Variants in TAFA4 observed in about 807,000 individuals in gnomAD.
TAFA4 encodes TAFA chemokine like family member 4.
A neutral mutation model predicts 21.1 loss-of-function variants in TAFA4; 20 were observed. The observed-to-expected ratio is 0.95, with a 90% confidence interval of 0.67 to 1.38. The LOEUF is 1.38. TAFA4 is among the 40% of genes most tolerant of loss of function. The pLI is 0.00. For missense variants in TAFA4, 211 were observed against 180.9 expected (o/e 1.17, Z -0.95); for synonymous variants, 71 against 67.4 (o/e 1.05, Z -0.26).
At chr3:68,835,294 C>T (rs1468849936) in intron 3 of TAFA4, among the ~76,000 whole-genome samples, 1 of 152,200 alleles carries the variant, frequency 6.6e-6, no homozygotes, top group African/African-American at 2.4e-5. Flanking sequence ...CACCATCTGA[C>T]ATTTACTTTT....
intron 4 of TAFA4, among the ~76,000 whole-genome samples, chr3:68,749,673 G>T (rs1702525256): frequency 6.6e-6 from 1 of 152,168 alleles, no homozygotes; most frequent in Admixed American, 6.5e-5. Flanking sequence ...CCGACTGTTT[G>T]CCAGACAATG....
At chr3:68,847,136 T>G (rs1179617997) in intron 3 of TAFA4, among the ~76,000 whole-genome samples, 1 of 152,194 alleles carries the variant, frequency 6.6e-6, no homozygotes, top group Non-Finnish European at 1.5e-5. Context: ...TTCCCCGAGG[T>G]GATCTGTCCC....
At chr3:68,906,934 C>T (rs888008267) in intron 1 of TAFA4, among the ~76,000 whole-genome samples, 3 of 147,302 alleles carry the variant, frequency 2.0e-5, no homozygotes, top group African/African-American at 7.5e-5. Context: ...GGGAGGCCGA[C>T]GTGGGAAGAT....
chr3:68,815,029 T>C (rs1406391233), intron 3 of TAFA4, among the ~76,000 whole-genome samples: 2 of 152,212 alleles, frequency 1.3e-5, no homozygotes, highest in African/African-American at 4.8e-5. Context: ...AACTATCTGA[T>C]CTTTGACAAA....
intron 3 of TAFA4, among the ~76,000 whole-genome samples, chr3:68,850,451 A>G (rs1486013715): frequency 6.6e-6 from 1 of 152,168 alleles, no homozygotes; most frequent in African/African-American, 2.4e-5. Context: ...CTGGTTCCAG[A>G]TCTTAGAGGA....
intron 3 of TAFA4, among the ~76,000 whole-genome samples, chr3:68,812,782 G>A (rs191504383): frequency 2.0e-5 from 3 of 152,006 alleles, no homozygotes; most frequent in African/African-American, 7.3e-5. Flanking sequence ...CGAAAGTTAA[G>A]AAGGATACCC....
intron 3 of TAFA4, among the ~76,000 whole-genome samples, chr3:68,857,785 C>A (rs1705103007): frequency 6.7e-6 from 1 of 149,754 alleles, no homozygotes; most frequent in South Asian, 2.1e-4. Flanking sequence ...CACTCAATAG[C>A]TTTGGAAACT....
At chr3:68,808,175 G>A (rs1012917706) in intron 3 of TAFA4, among the ~76,000 whole-genome samples, 1 of 152,106 alleles carries the variant, frequency 6.6e-6, no homozygotes, top group Non-Finnish European at 1.5e-5. Context: ...AGAGTAGAGA[G>A]GAAGGAACAC....
At chr3:68,810,895 C>T (rs1431157913) in intron 3 of TAFA4, among the ~76,000 whole-genome samples, 4 of 152,258 alleles carry the variant, frequency 2.6e-5, no homozygotes, top group South Asian at 2.1e-4. Context: ...CCCTAATCCC[C>T]GAGTAGCCTA....
At chr3:68,834,632 C>T (rs1351655290) in intron 3 of TAFA4, among the ~76,000 whole-genome samples, 1 of 152,054 alleles carries the variant, frequency 6.6e-6, no homozygotes. Context: ...CTTTCACCTC[C>T]CACACCTATT....
chr3:68,876,127 T>A (rs777182582), intron 3 of TAFA4, among the ~76,000 whole-genome samples: 1 of 152,218 alleles, frequency 6.6e-6, no homozygotes, highest in Non-Finnish European at 1.5e-5. Context: ...CATGTGACTA[T>A]TGAGCACTTG....
intron 3 of TAFA4, among the ~76,000 whole-genome samples, chr3:68,861,030 A>ACCCCCCCCCCCCCCCCCCCCCCCCCCC (rs113804738): frequency 9.0e-6 from 1 of 111,022 alleles, no homozygotes; most frequent in Non-Finnish European, 1.9e-5. Flanking sequence ...TTAAATATGC[A>ACCCCCCCCCCCCCCCCCCCCCCCCCCC]CCCCCCCCCC....
chr3:68,919,668 G>A (rs2107020208), intron 1 of TAFA4, among the ~76,000 whole-genome samples: 1 of 152,200 alleles, frequency 6.6e-6, no homozygotes, highest in South Asian at 2.1e-4. Context: ...TTGCTTAGTG[G>A]CTCTCACGGT....
At chr3:68,764,467 T>C (rs965962413) in intron 3 of TAFA4, among the ~76,000 whole-genome samples, 4 of 152,190 alleles carry the variant, frequency 2.6e-5, no homozygotes, top group Admixed American at 6.5e-5. Flanking sequence ...CACTTAGTAA[T>C]TATAACTTCA....
At chr3:68,762,143 A>G (rs1305912473) in intron 3 of TAFA4, among the ~76,000 whole-genome samples, 1 of 151,770 alleles carries the variant, frequency 6.6e-6, no homozygotes, top group Non-Finnish European at 1.5e-5. Flanking sequence ...CTGTAGCTAG[A>G]GGATAAAGAA....
chr3:68,806,080 G>A (rs1703692636), intron 3 of TAFA4, among the ~76,000 whole-genome samples: 1 of 152,072 alleles, frequency 6.6e-6, no homozygotes, highest in Non-Finnish European at 1.5e-5. Flanking sequence ...TTGAATTTGT[G>A]TGACTTTAAG....
chr3:68,829,323 G>C (rs753473150), intron 3 of TAFA4, among the ~76,000 whole-genome samples: 36 of 151,850 alleles, frequency 2.4e-4, no homozygotes, highest in Non-Finnish European at 4.4e-5. Context: ...TTAATAAATG[G>C]TGGTGTGAAA....
At chr3:68,879,962 C>T (rs1402706872) in intron 3 of TAFA4, among the ~76,000 whole-genome samples, 1 of 152,106 alleles carries the variant, frequency 6.6e-6, no homozygotes, top group Non-Finnish European at 1.5e-5. Flanking sequence ...GACAACAAGT[C>T]CATTGACACA....
At position 68,883,349 on chromosome 3, in the gene TAFA4, C is replaced by G. The variant is rs367690925; in HGVS notation, c.14+1826G>C. ...ACGTGCTCCTTCATGGTTTGAATCT[C>G]TTCCTCCAGGAAAGGCTCAGTCCCC... On this transcript the variant is annotated intron_variant, in intron 2 of 5. Coordinates refer to ENST00000295569, the MANE Select transcript of TAFA4 (RefSeq NM_182522.5). Among the ~76,000 whole-genome samples the G allele has an allele frequency of 2.6e-5, 4 of 152,230 alleles. No homozygotes were observed. In the East Asian group the frequency reaches 5.8e-4, roughly 22 times the overall value.
Sources: gnomAD v4.1 joint callset for allele counts (sites outside exome capture counted in the v4.1 genomes callset) on GRCh38, gnomAD v4.1.1 for gene constraint, MANE v1.5 for transcripts, NCBI Gene and HGNC (gene_info 2026-07-23, HGNC 2026-07-21) for gene names.